PDE4B: variants seen among roughly 807,000 people sequenced by gnomAD.
PDE4B encodes 3',5'-cyclic-AMP phosphodiesterase 4B.
In PDE4B, 20 loss-of-function variants were observed where a neutral mutation model predicts 82.2. The observed-to-expected ratio is 0.24, with a 90% CI of 0.17 to 0.35. The LOEUF (loss-of-function observed/expected upper bound fraction) is 0.35. Ranked by LOEUF, PDE4B falls within the 10% of genes least tolerant of loss-of-function variation. The pLI is 1.00. For synonymous variants in PDE4B, 320 were observed against 318.9 expected, an observed-to-expected ratio of 1.00 and a Z score of -0.04; for missense variants, 655 against 907.2, an observed-to-expected ratio of 0.72 and a Z score of 3.57.
At chr1:66,150,728 G>C (rs1217305594) in intron 3 of PDE4B, among the ~76,000 whole-genome samples, 1 of 151,968 alleles carries the variant, frequency 6.6e-6, no homozygotes, top group Admixed American at 6.6e-5. Context: ...TACTTTGTTA[G>C]GTATTTTTTC....
intron 3 of PDE4B, among the ~76,000 whole-genome samples, chr1:66,090,020 A>G (rs893074774): frequency 6.6e-6 from 1 of 151,994 alleles, no homozygotes; most frequent in Non-Finnish European, 1.5e-5. Flanking sequence ...GACAAACTCA[A>G]CTCTTAGGAA....
At chr1:66,086,142 A>G (rs906300142) in intron 3 of PDE4B, among the ~76,000 whole-genome samples, 2 of 151,708 alleles carry the variant, frequency 1.3e-5, no homozygotes, top group African/African-American at 4.8e-5. Context: ...GATGGGAAAA[A>G]AGTGGAATTA....
rs188943287 is a variant in PDE4B, at chr1:66,083,355, T to C, written c.282-164105T>C. ...TCTCCTCACAGTATAGCAGGCATTC[T>C]AGTGAGCATGAAAACTGCATGCCAG... On this transcript the variant is annotated intron_variant, in intron 3 of 16. Coordinates refer to ENST00000341517, the MANE Select transcript of PDE4B (RefSeq NM_002600.4). 1.9e-3 allele frequency among the ~76,000 whole-genome samples: 284 copies of C among 152,238 alleles called. 1 individual carries two copies. Among genetic ancestry groups the C allele is most frequent in the African/African-American group, 6.6e-3 (274 of 41,558 alleles).
chr1:66,257,638 T>C lies in PDE4B; in HGVS notation c.477-9T>C. ...ATTTCTAAAGGTTCTTTTTTTCTCT[T>C]TTCACCAGACACGGCGATGACTTGA... On this transcript the variant is annotated splice_polypyrimidine_tract_variant and intron_variant, in intron 4 of 16. Coordinates refer to ENST00000341517, the MANE Select transcript of PDE4B (RefSeq NM_002600.4). The C allele has an allele frequency of 3.1e-6, 5 of 1,612,898 alleles. No homozygotes were observed. Among genetic ancestry groups the C allele is most frequent in the Non-Finnish European group, 4.2e-6 (5 of 1,178,968 alleles).
intron 1 of PDE4B, among the ~76,000 whole-genome samples, chr1:65,807,278 T>C (rs74085357): frequency 6.9e-4 from 105 of 152,308 alleles, no homozygotes; most frequent in African/African-American, 2.1e-3. Context: ...ACAATTATAT[T>C]ATACACATCG....
At chr1:66,217,304 G>A (rs1367806649) in intron 3 of PDE4B, among the ~76,000 whole-genome samples, 2 of 152,132 alleles carry the variant, frequency 1.3e-5, no homozygotes, top group Non-Finnish European at 2.9e-5. Flanking sequence ...GGTATTCACA[G>A]AAGTGTAGGC....
chr1:65,978,009 T>C (rs925875399), intron 3 of PDE4B, among the ~76,000 whole-genome samples: 13 of 146,740 alleles, frequency 8.9e-5, no homozygotes, highest in Non-Finnish European at 1.5e-5. Context: ...TTAATTTTAA[T>C]TTAATTTAAT....
chr1:66,299,655 C>T (rs986633673), intron 7 of PDE4B, among the ~76,000 whole-genome samples: 4 of 152,188 alleles, frequency 2.6e-5, no homozygotes, highest in Non-Finnish European at 5.9e-5. Flanking sequence ...TCCATAATAG[C>T]TGTGCTAACT....
chr1:66,045,978 T>A (rs1030208152), intron 3 of PDE4B, among the ~76,000 whole-genome samples: 4 of 151,730 alleles, frequency 2.6e-5, no homozygotes, highest in Admixed American at 1.3e-4. Context: ...TCAGACTTGA[T>A]TTTACACATG....
At chr1:66,332,713 G>T in intron 8 of PDE4B, 93 bp downstream of exon 8, 1 of 933,800 alleles carries the variant, frequency 1.1e-6, no homozygotes, top group Non-Finnish European at 1.6e-6. Flanking sequence ...ACCAGGGAAT[G>T]CTACCAACTC....
At chr1:66,229,968 A>G (rs1234135194) in intron 3 of PDE4B, among the ~76,000 whole-genome samples, 3 of 152,208 alleles carry the variant, frequency 2.0e-5, no homozygotes, top group Non-Finnish European at 4.4e-5. Flanking sequence ...GATCCATTTC[A>G]TTAAATTACT....
At chr1:66,286,423 T>A (rs925398607) in intron 7 of PDE4B, among the ~76,000 whole-genome samples, 2 of 152,110 alleles carry the variant, frequency 1.3e-5, no homozygotes, top group African/African-American at 4.8e-5. Flanking sequence ...CTAGGTGATT[T>A]AATGGGGTTT....
chr1:65,982,320 C>A (rs1464554547), intron 3 of PDE4B, among the ~76,000 whole-genome samples: 1 of 152,082 alleles, frequency 6.6e-6, no homozygotes, highest in African/African-American at 2.4e-5. Flanking sequence ...AGCAAAGGGT[C>A]GCAAACACAT....
At chr1:66,319,702 T>C (rs934397803) in intron 7 of PDE4B, among the ~76,000 whole-genome samples, 1 of 152,148 alleles carries the variant, frequency 6.6e-6, no homozygotes. Context: ...TCATCAGGCT[T>C]TTCCTCTATA....
intron 3 of PDE4B, among the ~76,000 whole-genome samples, chr1:66,104,175 G>C (rs1224698322): frequency 6.7e-6 from 1 of 149,266 alleles, no homozygotes; most frequent in African/African-American, 2.5e-5. Flanking sequence ...ACCTATGAGT[G>C]AGAATATATG....
intron 1 of PDE4B, among the ~76,000 whole-genome samples, chr1:65,818,382 T>C (rs976852917): frequency 6.6e-6 from 1 of 152,186 alleles, no homozygotes; most frequent in African/African-American, 2.4e-5. Flanking sequence ...GCTCTATTTC[T>C]TGTGTTCTTT....
chr1:65,821,664 A>G (rs1162421391), intron 1 of PDE4B, among the ~76,000 whole-genome samples: 3 of 152,172 alleles, frequency 2.0e-5, no homozygotes, highest in African/African-American at 7.2e-5. Context: ...TTCTCTTTCT[A>G]CAAACAGAAA....
At chr1:66,058,574 C>T (rs1655422043) in intron 3 of PDE4B, among the ~76,000 whole-genome samples, 1 of 152,238 alleles carries the variant, frequency 6.6e-6, no homozygotes, top group South Asian at 2.1e-4. Context: ...AGCAGAGGTT[C>T]CCAAACCTCA....
intron 7 of PDE4B, among the ~76,000 whole-genome samples, chr1:66,329,791 T>C (rs1216700901): frequency 6.6e-6 from 1 of 152,240 alleles, no homozygotes; most frequent in African/African-American, 2.4e-5. Context: ...ACACAGTAAG[T>C]GGTAGAAGAG....
Sources: allele counts gnomAD v4.1 joint callset (sites outside exome capture counted in the v4.1 genomes callset), GRCh38; gene constraint gnomAD v4.1.1; transcripts MANE v1.5; gene names NCBI Gene and HGNC (gene_info 2026-07-23, HGNC 2026-07-21).